The following ZNF280A variants were observed in gnomAD, a reference collection of about 807,000 sequenced individuals.
ZNF280A encodes the protein suppressor of hairy wing homolog 1.
A neutral mutation model predicts 35.9 loss-of-function variants in ZNF280A; 26 were observed. The ratio of observed to expected loss-of-function variants is 0.72; its 90% CI spans 0.53 to 1.01. The LOEUF is 1.01. Ranked by LOEUF, ZNF280A falls within the 50% of genes least tolerant of loss-of-function variation. The probability of loss-of-function intolerance (pLI) is 0.00; values close to 1 mark genes in which losing one functional copy is unlikely to be tolerated. For synonymous variants in ZNF280A, 231 were observed against 232.9 expected, an observed-to-expected ratio of 0.99 and a Z score of 0.07; for missense variants, 654 against 652.0, an observed-to-expected ratio of 1.00 and a Z score of -0.03.
In ZNF280A at chr22:22,514,117, A is replaced by G. The variant is rs534563463; in HGVS notation, c.1514T>C (p.Met505Thr). The change falls in exon 2 of 2, where the codon ATG becomes ACG. Residue 505 changes from methionine to threonine, a missense_variant. By Grantham distance (81) the Met-to-Thr change is moderately conservative. Transcript: ENST00000302097. Reference protein sequence around the residue: ...QTSVQPGSSGMASVIVSNTDP... With the variant: ...QTSVQPGSSGTASVIVSNTDP... ...AGTGTTGCTAACAATAACGGAAGCC[A>G]TACCACTTGATCCTGGCTGAACTGA... is the stretch of plus-strand genomic sequence containing the variant. 8.7e-6 allele frequency: 14 copies of G among 1,613,852 alleles called. 1 individual carries two copies. In the East Asian group the frequency reaches 3.1e-4, roughly 36 times the overall value.
Position 22,520,227 on chromosome 22 carries a change from C to T in ZNF280A, c.-210G>A, listed in dbSNP as rs557102857. On this transcript the variant is annotated 5_prime_UTR_variant, in exon 1 of 2. Transcript: ENST00000302097. ...ATTTGTCCAGAGACCGGCAGCACTG[C>T]TTCCGCAGGCGAACAACGCCGCTTG... 44 of 152,128 alleles carry T rather than the reference C, an allele frequency of 2.9e-4. No homozygotes were observed. The highest frequency in any genetic ancestry group is 9.9e-4 in the African/African-American group (41 of 41,510). The allele number at this position is 152,128 out of a possible 1,614,324, so 9.4% of individuals were successfully genotyped here. A position where few individuals can be genotyped will look rare whatever the true frequency, so the allele number is the denominator to read the frequency against.
At position 22,515,038 on chromosome 22, in the gene ZNF280A, G is replaced by A. The variant is rs1373016884; in HGVS notation, c.593C>T (p.Ser198Leu). The A allele has an allele frequency of 6.2e-7, 1 of 1,613,796 alleles. No homozygotes were observed. Among genetic ancestry groups the A allele is most frequent in the Non-Finnish European group, 8.5e-7 (1 of 1,179,986 alleles). Reference protein sequence around the residue: ...PGVPSLAVVPSDMSSTISTNT... With the variant: ...PGVPSLAVVPLDMSSTISTNT... ...TGTGCTTATTGTAGAAGACATATCTGAAGGGACCACAGCTAAAGAAGGTAC... is the reference window on the plus strand; with the variant it reads ...TGTGCTTATTGTAGAAGACATATCTAAAGGGACCACAGCTAAAGAAGGTAC... The change falls in exon 2 of 2, where the codon TCA becomes TTA. Residue 198 changes from serine to leucine, a missense_variant. Physicochemically the swap from Ser to Leu is moderately radical, Grantham distance 145. Transcript: ENST00000302097.
chr22:22,515,611 C>A lies in ZNF280A; in HGVS notation c.20G>T (p.Cys7Phe). 6.3e-7 allele frequency: 1 copy of A among 1,592,186 alleles called. No homozygotes were observed. Among genetic ancestry groups the A allele is most frequent in the East Asian group, 2.2e-5 (1 of 44,608 alleles). MGDIFLCKKVESPKKNL... is the reference protein window; with the variant it reads MGDIFLFKKVESPKKNL... ...CTTCTTTGGTGATTCCACTTTCTTA[C>A]ACAAAAAGATATCTCCCATTTTCAA... The change falls in exon 2 of 2, where the codon TGT becomes TTT. Residue 7 changes from cysteine to phenylalanine, a missense_variant. Physicochemically the swap from Cys to Phe is radical, Grantham distance 205 (BLOSUM62 -2). Transcript: ENST00000302097.
chr22:22,517,682 C>T (rs1454030079), intron 1 of ZNF280A, among the ~76,000 whole-genome samples: 1 of 151,850 alleles, frequency 6.6e-6, no homozygotes, highest in Non-Finnish European at 1.5e-5. Flanking sequence ...CAGATTGCAT[C>T]TCATCATAGC....
Position 22,514,309 on chromosome 22 carries a change from T to G in ZNF280A, c.1322A>C (p.His441Pro). 1 of 1,613,936 alleles carries G rather than the reference T, an allele frequency of 6.2e-7. No homozygotes were observed. The highest frequency in any genetic ancestry group is 8.5e-7 in the Non-Finnish European group (1 of 1,179,976). The part of the protein sequence containing the change: ...LFKTAIPYMN[H>P]CWRHSRRRVL... ...CCTCCTTCTGCTGTGCCTCCAACAA[T>G]GATTCATGTATGGTATTGCAGTTTT... The change falls in exon 2 of 2, where the codon CAT (histidine) becomes CCT (proline). Residue 441 changes from histidine to proline, a missense_variant. Physicochemically the swap from His to Pro is moderately conservative, Grantham distance 77. Transcript: ENST00000302097.
chr22:22,515,553 A>C lies in ZNF280A; in HGVS notation c.78T>G (p.Asp26Glu). The C allele has an allele frequency of 6.2e-7, 1 of 1,613,158 alleles. No individual in the cohort carries two copies. The highest frequency in any genetic ancestry group is 1.3e-5 in the African/African-American group (1 of 74,940). ...CATAGATCAGATCTGGATCTTCATC[A>C]TCCTCCTCCCTTTGTTTGGATTCTC... ...NLRESKQREE[D>E]DEDPDLIYVG... is the part of the protein sequence containing the mutation. Residue 26 changes from aspartate to glutamate, a missense_variant, in exon 2 of 2, where the codon GAT becomes GAG. Physicochemically the swap from Asp to Glu is conservative, Grantham distance 45 (BLOSUM62 2). Transcript: ENST00000302097.
At chr22:22,518,226 A>G (rs576248324) in intron 1 of ZNF280A, among the ~76,000 whole-genome samples, 1 of 151,868 alleles carries the variant, frequency 6.6e-6, no homozygotes, top group South Asian at 2.1e-4. Context: ...TGCCCGGCCA[A>G]TTGATGGCAT....
chr22:22,513,902 A>G lies in ZNF280A; in HGVS notation c.*100T>C. The G allele has an allele frequency of 1.4e-6, 1 of 733,860 alleles. No homozygotes were observed. Among genetic ancestry groups the G allele is most frequent in the Non-Finnish European group, 2.3e-6 (1 of 426,116 alleles). 45.5% of individuals were successfully genotyped at this position (733,860 alleles called of 1,614,324 possible). A position where few individuals can be genotyped will look rare whatever the true frequency, so the allele number is the denominator to read the frequency against. ...ATGTCACTGTAAAAAACAACCTGACAGTTGATGACATTGCTTGCTAGCATC... is the reference window on the plus strand; with the variant it reads ...ATGTCACTGTAAAAAACAACCTGACGGTTGATGACATTGCTTGCTAGCATC... On this transcript the variant is annotated 3_prime_UTR_variant, in exon 2 of 2. Transcript: ENST00000302097.
intron 1 of ZNF280A, 70 bp from the exon 2 acceptor site, chr22:22,515,771 C>T (rs2062062334): frequency 1.5e-6 from 2 of 1,319,892 alleles, no homozygotes; most frequent in African/African-American, 3.0e-5. Flanking sequence ...ATTGTATCCT[C>T]CCTTAAAACA....
Position 22,515,613 on chromosome 22 carries a change from C to CA in ZNF280A, c.17dup (p.Leu6PhefsTer3). ...TCTTTGGTGATTCCACTTTCTTACA[C>CA]AAAAAGATATCTCCCATTTTCAATT... is the stretch of plus-strand genomic sequence containing the variant. On this transcript the variant is annotated frameshift_variant, in exon 2 of 2. Transcript: ENST00000302097. LOFTEE classifies it high-confidence loss of function. 1 of 1,589,484 alleles carries CA rather than the reference C, an allele frequency of 6.3e-7. No individual in the cohort carries two copies. Among genetic ancestry groups the CA allele is most frequent in the Non-Finnish European group, 8.5e-7 (1 of 1,170,444 alleles).
intron 1 of ZNF280A, among the ~76,000 whole-genome samples, chr22:22,516,079 G>A (rs920681325): frequency 6.6e-5 from 10 of 151,638 alleles, no homozygotes; most frequent in African/African-American, 1.9e-4. Flanking sequence ...CTCCTAGCCT[G>A]GGCAACATAG....
In ZNF280A at chr22:22,515,450, T is replaced by G. The variant is rs747410666; in HGVS notation, c.181A>C (p.Asn61His). ...CCTGGGGTGACTCTGTTCAAAATGT[T>G]TGAAACGACTGGTTTTGAATTTGAA... Reference protein sequence around the residue: ...MISNSKPVVSNILNRVTPGSN... With the variant: ...MISNSKPVVSHILNRVTPGSN... Residue 61 changes from asparagine (N) to histidine (H), a missense_variant, in exon 2 of 2, where the codon AAC (asparagine) becomes CAC (histidine). Coordinates refer to ENST00000302097, the MANE Select transcript of ZNF280A (RefSeq NM_080740.5). The G allele has an allele frequency of 1.7e-5, 28 of 1,613,708 alleles. No individual in the cohort carries two copies. In the Admixed American group the frequency reaches 4.7e-4, roughly 27 times the overall value.
chr22:22,518,460 A>T (rs2146904386), intron 1 of ZNF280A, among the ~76,000 whole-genome samples: 1 of 151,810 alleles, frequency 6.6e-6, no homozygotes, highest in South Asian at 2.1e-4. Context: ...AGATTTTTTT[A>T]AACTTGTACA....
At chr22:22,516,486 C>T (rs75452799) in intron 1 of ZNF280A, among the ~76,000 whole-genome samples, 3,089 of 151,994 alleles carry the variant, frequency 0.02, 110 homozygotes, top group African/African-American at 0.069. Flanking sequence ...CTCTCTTCCA[C>T]ATCTACTGCC....
At chr22:22,517,099 G>C (rs1237231994) in intron 1 of ZNF280A, among the ~76,000 whole-genome samples, 1 of 145,730 alleles carries the variant, frequency 6.9e-6, no homozygotes, top group Non-Finnish European at 1.6e-5. Flanking sequence ...GGAAGACTCT[G>C]TGTCTTAAAA....
chr22:22,515,398 T>C lies in ZNF280A; in HGVS notation c.233A>G (p.His78Arg). 6.2e-7 allele frequency: 1 copy of C among 1,613,828 alleles called. No individual in the cohort carries two copies. The highest frequency in any genetic ancestry group is 8.5e-7 in the Non-Finnish European group (1 of 1,179,974). ...PGSNSRRKKG[H>R]FRQYPAHVSQ... is the part of the protein sequence containing the mutation. ...CACGTGAGCAGGATATTGACGGAAGTGGCCTTTCTTTCTTCTTGAATTTGA... is the reference window on the plus strand; with the variant it reads ...CACGTGAGCAGGATATTGACGGAAGCGGCCTTTCTTTCTTCTTGAATTTGA... Residue 78 changes from histidine to arginine, a missense_variant, in exon 2 of 2, where the codon CAC (histidine) becomes CGC (arginine). Physicochemically the swap from His to Arg is conservative, Grantham distance 29 (BLOSUM62 0). Coordinates refer to ENST00000302097, the MANE Select transcript of ZNF280A (RefSeq NM_080740.5).
chr22:22,514,553 T>C lies in ZNF280A; in HGVS notation c.1078A>G (p.Met360Val), dbSNP rs773503928. The change falls in exon 2 of 2, where the codon ATG (methionine) becomes GTG (valine). Residue 360 changes from methionine to valine, a missense_variant. Physicochemically the swap from Met to Val is conservative, Grantham distance 21 (BLOSUM62 1). Coordinates refer to ENST00000302097, the MANE Select transcript of ZNF280A (RefSeq NM_080740.5). ...ATTTTACAGACAGCAGAGGGCCCCA[T>C]GGCGATGTGTACACTATCAATGTGA... ...QCHIDSVHIA[M>V]GPSAVCKICE... The C allele has an allele frequency of 3.5e-5, 56 of 1,613,924 alleles. No homozygotes were observed. Among genetic ancestry groups the C allele is most frequent in the East Asian group, 4.5e-5 (2 of 44,802 alleles).
At chr22:22,516,400 TTC>T (rs1375511563) in intron 1 of ZNF280A, among the ~76,000 whole-genome samples, 1 of 151,870 alleles carries the variant, frequency 6.6e-6, no homozygotes. Flanking sequence ...TTGCCAGACT[TTC>T]TCTCATACAC....
At position 22,515,545 on chromosome 22, in the gene ZNF280A, T is replaced by C; in HGVS notation, c.86A>G (p.Asp29Gly). 1 of 1,613,642 alleles carries C rather than the reference T, an allele frequency of 6.2e-7. No homozygotes were observed. The highest frequency in any genetic ancestry group is 1.1e-5 in the South Asian group (1 of 90,990). Residue 29 changes from aspartate to glycine, a missense_variant, in exon 2 of 2, where the codon GAT becomes GGT. Coordinates refer to ENST00000302097, the MANE Select transcript of ZNF280A (RefSeq NM_080740.5). ...CACCCCAACATAGATCAGATCTGGA[T>C]CTTCATCATCCTCCTCCCTTTGTTT... ...ESKQREEDDE[D>G]PDLIYVGVEH...
Sources: gnomAD v4.1 joint callset for allele counts (sites outside exome capture counted in the v4.1 genomes callset) on GRCh38, gnomAD v4.1.1 for gene constraint, MANE v1.5 for transcripts, NCBI Gene and HGNC (gene_info 2026-07-23, HGNC 2026-07-21) for gene names.